STOX2: variants seen among roughly 807,000 people sequenced by gnomAD.
STOX2 encodes the protein storkhead-box protein 2.
In STOX2, 28 loss-of-function variants were observed where a neutral mutation model predicts 60.9. That is an observed-to-expected ratio of 0.46 (90% CI 0.34 to 0.63). STOX2 has a LOEUF of 0.63. STOX2 is among the 30% of genes least tolerant of loss of function. STOX2 has a pLI of 0.01. For synonymous variants in STOX2, 472 were observed against 463.9 expected, an observed-to-expected ratio of 1.02 and a Z score of -0.22; for missense variants, 1,024 against 1,187.7, an observed-to-expected ratio of 0.86 and a Z score of 2.03.
chr4:183,980,894 G>T (rs1205284021), intron 1 of STOX2, among the ~76,000 whole-genome samples: 4 of 152,022 alleles, frequency 2.6e-5, no homozygotes, highest in African/African-American at 9.7e-5. Context: ...AACCCACAGA[G>T]AGGATAACTC....
chr4:183,919,457 C>T (rs756370440), intron 1 of STOX2, among the ~76,000 whole-genome samples: 11 of 152,052 alleles, frequency 7.2e-5, no homozygotes, highest in Admixed American at 2.6e-4. Context: ...CTGTTAAGCT[C>T]GGCAGTGGCT....
intron 1 of STOX2, among the ~76,000 whole-genome samples, chr4:183,930,751 G>C (rs1303737168): frequency 6.6e-6 from 1 of 152,162 alleles, no homozygotes; most frequent in African/African-American, 2.4e-5. Context: ...CTCTGTTTTG[G>C]AGGAAGAGCT....
upstream of STOX2, among the ~76,000 whole-genome samples, chr4:183,902,559 G>T (rs1741485735): frequency 6.6e-6 from 1 of 152,138 alleles, no homozygotes; most frequent in Non-Finnish European, 1.5e-5. Flanking sequence ...TCTGAGGTAG[G>T]TTTAGAGATC....
upstream of STOX2, among the ~76,000 whole-genome samples, chr4:183,904,103 G>A (rs904622510): frequency 6.6e-6 from 1 of 152,182 alleles, no homozygotes; most frequent in Admixed American, 6.5e-5. Context: ...CTCCAAGCAT[G>A]GTTCACAATA....
chr4:184,011,592 GA>G lies in STOX2; in HGVS notation c.2585+176del, dbSNP rs770334520. On this transcript the variant is annotated intron_variant, in intron 3 of 3. Transcript: ENST00000308497. The surrounding 1 kb of genome is among the most constrained non-coding windows in gnomAD (Gnocchi z 4.4). ...GTTTCTGACTTCTTTTTCAGGAATT[GA>G]AAAAAATGTTTCTGCACCTGTAGAG... 4 of 1,531,996 alleles carry G rather than the reference GA, an allele frequency of 2.6e-6. No individual in the cohort carries two copies. The highest frequency in any genetic ancestry group is 2.7e-5 in the African/African-American group (2 of 72,764). The allele number at this position is 1,531,996 out of a possible 1,614,324, so 94.9% of individuals were successfully genotyped here.
At chr4:183,984,394 A>G (rs1732766783) in intron 1 of STOX2, among the ~76,000 whole-genome samples, 1 of 152,074 alleles carries the variant, frequency 6.6e-6, no homozygotes, top group Non-Finnish European at 1.5e-5. Flanking sequence ...TGCACTTTTT[A>G]TATGTGAGTA....
chr4:183,831,127 T>G (rs1579312528), intron 1 of STOX2, among the ~76,000 whole-genome samples: 2 of 146,364 alleles, frequency 1.4e-5, no homozygotes, highest in African/African-American at 2.6e-5. Context: ...TGTGGAGGCG[T>G]GAGGGGGGAT....
At chr4:183,941,917 G>A (rs1742764332) in intron 1 of STOX2, among the ~76,000 whole-genome samples, 1 of 152,134 alleles carries the variant, frequency 6.6e-6, no homozygotes. Context: ...ACTTCATCAT[G>A]CCTGGCAACC....
At chr4:183,801,417 G>T (rs552769247) in intron 1 of STOX2, among the ~76,000 whole-genome samples, 1 of 152,210 alleles carries the variant, frequency 6.6e-6, no homozygotes, top group South Asian at 2.1e-4. Flanking sequence ...GCTTTCTAGC[G>T]CCAGCCTCTG....
intron 1 of STOX2, among the ~76,000 whole-genome samples, chr4:183,809,216 G>C (rs1185051288): frequency 6.6e-6 from 1 of 151,930 alleles, no homozygotes; most frequent in African/African-American, 2.4e-5. Context: ...CAAGTAACTG[G>C]GGCTACAGGC....
Sources: gnomAD v4.1 joint callset for allele counts (sites outside exome capture counted in the v4.1 genomes callset) on GRCh38, gnomAD v4.1.1 for gene constraint, Gnocchi (gnomAD v3.1) non-coding constraint, MANE v1.5 for transcripts, NCBI Gene and HGNC (gene_info 2026-07-23, HGNC 2026-07-21) for gene names.